RNF145: variants seen among roughly 807,000 people sequenced by gnomAD.
RNF145 encodes the protein ring finger protein 145.
RNF145 carries 12 observed loss-of-function variants against 57.3 expected under a neutral mutation model. That is an observed-to-expected ratio of 0.21 (90% CI 0.13 to 0.34). RNF145 has a LOEUF of 0.34. Ranked by LOEUF, RNF145 falls within the 10% of genes least tolerant of loss-of-function variation. RNF145 has a pLI of 1.00. For missense variants in RNF145, 429 were observed against 799.0 expected (o/e 0.54, Z 5.58); for synonymous variants, 262 against 288.3 (o/e 0.91, Z 0.92).
intron 5 of RNF145, among the ~76,000 whole-genome samples, chr5:159,176,139 A>G (rs1487615894): frequency 6.6e-6 from 1 of 152,154 alleles, no homozygotes; most frequent in African/African-American, 2.4e-5. Context: ...AATTAGGCAC[A>G]CAAAGGGAAG....
rs183322897 is a variant in RNF145, at chr5:159,180,610, T to A, written c.385+1350A>T. On this transcript the variant is annotated intron_variant, in intron 4 of 10. Transcript: ENST00000424310. ...ATTATAATGTAAGCCAAATATAATT[T>A]TAAATTTTCTATTAGTGTCATTTCA... Among the ~76,000 whole-genome samples, 14 of 152,216 alleles carry A rather than the reference T, an allele frequency of 9.2e-5. No homozygotes were observed. The East Asian group carries it at 2.1e-3, about 23-fold the overall frequency.
At chr5:159,176,427 A>G (rs1402884643) in intron 5 of RNF145, among the ~76,000 whole-genome samples, 1 of 152,112 alleles carries the variant, frequency 6.6e-6, no homozygotes, top group Non-Finnish European at 1.5e-5. Context: ...CTGCTTTAAG[A>G]GAACCACTTC....
intron 2 of RNF145, among the ~76,000 whole-genome samples, chr5:159,202,937 A>T (rs1785722274): frequency 6.6e-6 from 1 of 151,786 alleles, no homozygotes; most frequent in South Asian, 2.1e-4. Context: ...AAAAAAAATT[A>T]TAGTTCCAGG....
At chr5:159,208,056 G>A in intron 1 of RNF145, 1 of 1,501,548 alleles carries the variant, frequency 6.7e-7, no homozygotes, top group Non-Finnish European at 8.8e-7. Flanking sequence ...TGCAGACTGC[G>A]ACGCAAGGCC....
At chr5:159,167,116 T>C (rs866865797) in intron 8 of RNF145, among the ~76,000 whole-genome samples, 3 of 152,244 alleles carry the variant, frequency 2.0e-5, no homozygotes, top group Non-Finnish European at 4.4e-5. Context: ...CTTGAGTCAG[T>C]TGTGGTAAGT....
intron 8 of RNF145, among the ~76,000 whole-genome samples, chr5:159,166,717 T>C (rs1584666237): frequency 6.6e-6 from 1 of 152,218 alleles, no homozygotes. Flanking sequence ...TCGCAATATC[T>C]CCTGCCATGA....
intron 3 of RNF145, among the ~76,000 whole-genome samples, chr5:159,185,910 C>G (rs1785037463): frequency 1.3e-5 from 2 of 152,126 alleles, no homozygotes; most frequent in Admixed American, 1.3e-4. Flanking sequence ...AAACTGGGGC[C>G]ACAAGGAATG....
chr5:159,158,889 T>G lies in RNF145; in HGVS notation c.1773A>C (p.Pro591=). 1 of 1,613,960 alleles carries G rather than the reference T, an allele frequency of 6.2e-7. No individual in the cohort carries two copies. The highest frequency in any genetic ancestry group is 8.5e-7 in the Non-Finnish European group (1 of 1,179,868). Residue 591 remains proline, a synonymous_variant, in exon 11 of 11, where the codon CCA becomes CCC. Transcript: ENST00000424310. The part of the protein sequence containing the change: ...SSQLPGLGTE[P]VLQPHAGAEQ... ...CAGCTCCAGCATGAGGCTGTAGAAC[T>G]GGCTCAGTTCCTAATCCTGGAAGCT...
chr5:159,203,094 T>A (rs1178754593), intron 2 of RNF145, among the ~76,000 whole-genome samples: 1 of 152,204 alleles, frequency 6.6e-6, no homozygotes, highest in Non-Finnish European at 1.5e-5. Flanking sequence ...ACTTTCTGAA[T>A]TACTACCAAA....
intron 3 of RNF145, among the ~76,000 whole-genome samples, chr5:159,188,260 G>A (rs944420078): frequency 5.3e-5 from 8 of 151,964 alleles, no homozygotes; most frequent in South Asian, 2.1e-4. Flanking sequence ...GGTGGCAGGC[G>A]CCTGTAGTCC....
At chr5:159,197,693 T>G (rs1306424309) in intron 2 of RNF145, among the ~76,000 whole-genome samples, 1 of 152,230 alleles carries the variant, frequency 6.6e-6, no homozygotes, top group Non-Finnish European at 1.5e-5. Context: ...TCTACAGCAT[T>G]AACCAAACAA....
rs571880395 is a variant in RNF145, at chr5:159,188,785, G to C, written c.293+5931C>G. On this transcript the variant is annotated intron_variant, in intron 3 of 10. Coordinates refer to ENST00000424310, the MANE Select transcript of RNF145 (RefSeq NM_001199383.2). ...CATTCTATAGACATATTCTAAACAA[G>C]TTTTTAGTCATTTCAGGATAATAAG... Among the ~76,000 whole-genome samples the C allele has an allele frequency of 7.6e-4, 116 of 152,088 alleles. 1 individual carries two copies. The highest frequency in any genetic ancestry group is 1.2e-3 in the Non-Finnish European group (79 of 67,986).
Position 159,187,327 on chromosome 5 carries a change from A to T in RNF145, c.294-5276T>A, listed in dbSNP as rs994202828. On this transcript the variant is annotated intron_variant, in intron 3 of 10. Coordinates refer to ENST00000424310, the MANE Select transcript of RNF145 (RefSeq NM_001199383.2). ...AACAATTTATCTAGTTTTTTTTTTT[A>T]AAGAAAAAAAATTTTTTTTTGAGAT... is the stretch of plus-strand genomic sequence containing the variant. Among the ~76,000 whole-genome samples, 200 of 151,398 alleles carry T rather than the reference A, an allele frequency of 1.3e-3. 1 individual carries two copies. Among genetic ancestry groups the T allele is most frequent in the African/African-American group, 4.6e-3 (189 of 41,322 alleles).
In RNF145 at chr5:159,163,106, T is replaced by C. The variant is rs796233761; in HGVS notation, c.1122-27A>G. The C allele has an allele frequency of 8.9e-6, 14 of 1,572,670 alleles. No individual in the cohort carries two copies. The African/African-American group carries it at 1.6e-4, about 19-fold the overall frequency. ...TGGAGAAAGACAAAATTATTCTTTT[T>C]AAGTGCCTGCCACCTAGTAGCACAA... On this transcript the variant is annotated intron_variant, in intron 8 of 10. Coordinates refer to ENST00000424310, the MANE Select transcript of RNF145 (RefSeq NM_001199383.2).
intron 3 of RNF145, among the ~76,000 whole-genome samples, chr5:159,189,970 A>G (rs977023044): frequency 5.3e-5 from 8 of 152,212 alleles, no homozygotes; most frequent in African/African-American, 1.4e-4. Context: ...TGGGGTGATG[A>G]AAATCTAAAA....
At chr5:159,207,145 G>A (rs1785917922) in intron 1 of RNF145, among the ~76,000 whole-genome samples, 1 of 152,074 alleles carries the variant, frequency 6.6e-6, no homozygotes, top group South Asian at 2.1e-4. Flanking sequence ...AAATTTGTGG[G>A]TTAGAAAACA....
At chr5:159,175,411 G>A (rs544527101) in intron 5 of RNF145, among the ~76,000 whole-genome samples, 1 of 151,882 alleles carries the variant, frequency 6.6e-6, no homozygotes, top group African/African-American at 2.4e-5. Flanking sequence ...TGAATCTTAT[G>A]GCAACCAACT....
chr5:159,194,737 T>C lies in RNF145; in HGVS notation c.272A>G (p.Tyr91Cys), dbSNP rs763650430. The part of the protein sequence containing the change: ...YLYFLTALLL[Y>C]AGHQISRDYV... The stretch of plus-strand genomic sequence containing the variant: ...TTACCTGGAAATTTGATGTCCAGCA[T>C]AGAGGAGCAGAGCAGTCAAAAAATA... Residue 91 changes from tyrosine to cysteine, a missense_variant, in exon 3 of 11, where the codon TAT becomes TGT. This residue lies in a region of RNF145 where 109 missense variants were observed against 207.2 expected (regional missense o/e 0.53). Transcript: ENST00000424310. The C allele has an allele frequency of 1.9e-6, 3 of 1,610,552 alleles. No individual in the cohort carries two copies. In the African/African-American group the frequency reaches 4.0e-5, roughly 22 times the overall value.
chr5:159,193,183 C>T (rs759963504), intron 3 of RNF145, among the ~76,000 whole-genome samples: 4 of 152,134 alleles, frequency 2.6e-5, no homozygotes, highest in Non-Finnish European at 2.9e-5. Context: ...TCATGCAAAA[C>T]GGGGAATGTC....
Sources: allele counts gnomAD v4.1 joint callset (sites outside exome capture counted in the v4.1 genomes callset), GRCh38; gene constraint gnomAD v4.1.1; regional missense constraint gnomAD v4.1.1; transcripts MANE v1.5; gene names NCBI Gene and HGNC (gene_info 2026-07-23, HGNC 2026-07-21).